KLHL32: variants seen among roughly 807,000 people sequenced by gnomAD.
The protein encoded by KLHL32 is kelch-like protein 32.
A neutral mutation model predicts 64.8 loss-of-function variants in KLHL32; 35 were observed. The observed-to-expected ratio is 0.54, with a 90% CI of 0.41 to 0.72. The LOEUF (loss-of-function observed/expected upper bound fraction) is 0.72. KLHL32 is among the 30% of genes least tolerant of loss of function. The pLI is 0.00. For missense variants in KLHL32, 589 were observed against 768.5 expected, an observed-to-expected ratio of 0.77 and a Z score of 2.76; for synonymous variants, 259 against 281.0, an observed-to-expected ratio of 0.92 and a Z score of 0.78.
intron 7 of KLHL32, among the ~76,000 whole-genome samples, chr6:97,124,553 C>A (rs1304890610): frequency 1.3e-5 from 2 of 152,064 alleles, no homozygotes; most frequent in African/African-American, 4.8e-5. Context: ...CTATAATGGG[C>A]AGAGTCTGAT....
Position 97,075,849 on chromosome 6 carries a change from G to A in KLHL32, c.412-9277G>A, listed in dbSNP as rs372561338. On this transcript the variant is annotated intron_variant, in intron 5 of 10. Coordinates refer to ENST00000369261, the MANE Select transcript of KLHL32 (RefSeq NM_052904.4). ...GCTCAGCAGTGGAATTTCTAAAGCC[G>A]TATACACTTTTTTGTCTTAATTATG... Among the ~76,000 whole-genome samples, 23 of 152,274 alleles carry A rather than the reference G, an allele frequency of 1.5e-4. No individual in the cohort carries two copies. The East Asian group carries it at 2.9e-3, about 19-fold the overall frequency.
chr6:97,006,941 C>T (rs570516390), intron 3 of KLHL32, among the ~76,000 whole-genome samples: 1 of 152,026 alleles, frequency 6.6e-6, no homozygotes, highest in Non-Finnish European at 1.5e-5. Flanking sequence ...TCATATCTAC[C>T]TTATGGAATC....
At chr6:97,034,835 A>T (rs1464504550) in intron 3 of KLHL32, among the ~76,000 whole-genome samples, 2 of 151,918 alleles carry the variant, frequency 1.3e-5, no homozygotes, top group Non-Finnish European at 2.9e-5. Context: ...AGATTTTTGT[A>T]TGTTAATTTT....
chr6:97,085,313 C>T lies in KLHL32; in HGVS notation c.599C>T (p.Thr200Ile), dbSNP rs768411951. 1.9e-6 allele frequency: 3 copies of T among 1,612,760 alleles called. No individual in the cohort carries two copies. The South Asian group carries it at 3.3e-5, about 18-fold the overall frequency. The change falls in exon 6 of 11, where the codon ACC (threonine) becomes ATC (isoleucine). Residue 200 changes from threonine to isoleucine, a missense_variant. By Grantham distance (89) the Thr-to-Ile change is moderately conservative (BLOSUM62 -1). Around this residue, in one of 3 missense-constraint regions of KLHL32, gnomAD observed 226 missense variants for 353.2 expected, o/e 0.64. Transcript: ENST00000369261. ...GAGGTGCTGAAGAGCGACCGCCTGACCTCCCTGAGTGAAGAGCAGATCTGG... is the reference window on the plus strand; with the variant it reads ...GAGGTGCTGAAGAGCGACCGCCTGATCTCCCTGAGTGAAGAGCAGATCTGG... ...LQEVLKSDRLTSLSEEQIWQL... is the reference protein window; with the variant it reads ...LQEVLKSDRLISLSEEQIWQL...
chr6:97,114,640 C>A, intron 7 of KLHL32, 131 bp downstream of exon 7: 3 of 1,079,530 alleles, frequency 2.8e-6, no homozygotes, highest in South Asian at 1.4e-5. Context: ...AGCTAATTAA[C>A]ATTCATTTAT....
At chr6:96,954,583 T>C (rs1414109961) in intron 1 of KLHL32, among the ~76,000 whole-genome samples, 1 of 152,178 alleles carries the variant, frequency 6.6e-6, no homozygotes, top group South Asian at 2.1e-4. Flanking sequence ...TATATAAACC[T>C]AGCTGCTGGC....
chr6:97,004,177 G>T (rs767674002), intron 3 of KLHL32, among the ~76,000 whole-genome samples: 1 of 151,916 alleles, frequency 6.6e-6, no homozygotes, highest in African/African-American at 2.4e-5. Flanking sequence ...TGTAAATCTT[G>T]TAGAGATCTT....
chr6:97,062,774 A>G (rs778260030), intron 4 of KLHL32, among the ~76,000 whole-genome samples: 2 of 152,250 alleles, frequency 1.3e-5, no homozygotes, highest in Non-Finnish European at 2.9e-5. Context: ...GCAGAGAAAA[A>G]TTAGCAAATA....
intron 1 of KLHL32, among the ~76,000 whole-genome samples, chr6:96,935,142 T>A (rs1770429628): frequency 6.6e-6 from 1 of 152,188 alleles, no homozygotes; most frequent in South Asian, 2.1e-4. Flanking sequence ...GTTGCTTAAT[T>A]GTAATTTTAA....
intron 1 of KLHL32, among the ~76,000 whole-genome samples, chr6:96,932,151 A>T (rs1332462249): frequency 6.6e-6 from 1 of 151,076 alleles, no homozygotes; most frequent in African/African-American, 2.4e-5. Context: ...CTGCATAAAG[A>T]TTCACTAGTC....
chr6:97,076,381 A>C (rs1791591571), intron 5 of KLHL32, among the ~76,000 whole-genome samples: 2 of 152,226 alleles, frequency 1.3e-5, no homozygotes. Flanking sequence ...AGCATCTACT[A>C]TGTAGAAGGT....
intron 1 of KLHL32, among the ~76,000 whole-genome samples, chr6:96,966,117 A>C (rs1774430938): frequency 6.6e-6 from 1 of 152,188 alleles, no homozygotes; most frequent in South Asian, 2.1e-4. Context: ...TTTCATAAGC[A>C]CTTTCCTCCT....
chr6:96,999,777 A>G (rs1778815301), intron 3 of KLHL32, among the ~76,000 whole-genome samples: 1 of 152,198 alleles, frequency 6.6e-6, no homozygotes, highest in South Asian at 2.1e-4. Context: ...CTTCTTTATT[A>G]TGGTTCTTAA....
At chr6:97,094,757 G>C (rs766534691) in intron 6 of KLHL32, among the ~76,000 whole-genome samples, 3 of 152,180 alleles carry the variant, frequency 2.0e-5, no homozygotes, top group Non-Finnish European at 4.4e-5. Flanking sequence ...AGAGTTACAA[G>C]TCAGTATTGG....
intron 6 of KLHL32, among the ~76,000 whole-genome samples, chr6:97,103,416 T>C (rs1306894360): frequency 6.6e-6 from 1 of 152,152 alleles, no homozygotes; most frequent in African/African-American, 2.4e-5. Flanking sequence ...GGTTTCACCA[T>C]GTTAGCCAGG....
At chr6:96,968,299 T>A (rs1357390472) in intron 2 of KLHL32, among the ~76,000 whole-genome samples, 2 of 152,032 alleles carry the variant, frequency 1.3e-5, no homozygotes, top group Non-Finnish European at 2.9e-5. Context: ...TGGCATCTAC[T>A]GGGTAGAGGC....
Position 97,082,475 on chromosome 6 carries a change from T to C in KLHL32, c.412-2651T>C, listed in dbSNP as rs543340678. On this transcript the variant is annotated intron_variant, in intron 5 of 10. Coordinates refer to ENST00000369261, the MANE Select transcript of KLHL32 (RefSeq NM_052904.4). ...AAAAATACAGAAAATTAGCCGGGCA[T>C]GGTGGCGGGCGCCTGTAGTCCCAGC... 4.6e-3 allele frequency among the ~76,000 whole-genome samples: 699 copies of C among 152,054 alleles called. 5 individuals carry two copies. Among genetic ancestry groups the C allele is most frequent in the Non-Finnish European group, 8.1e-3 (548 of 67,974 alleles).
At chr6:96,917,889 G>A in the KLHL32 span, among the ~76,000 whole-genome samples, 7 of 152,198 alleles carry the variant, frequency 4.6e-5, no homozygotes, top group African/African-American at 9.7e-5. Context: ...AGGTCTATGC[G>A]TAGAAAAGAG....
chr6:96,924,218 A>C (rs1768867152), upstream of KLHL32, among the ~76,000 whole-genome samples: 1 of 152,210 alleles, frequency 6.6e-6, no homozygotes, highest in South Asian at 2.1e-4. Flanking sequence ...ACAAGTTAGC[A>C]GAGCAAGGAC....
Sources: allele counts gnomAD v4.1 joint callset (sites outside exome capture counted in the v4.1 genomes callset), GRCh38; gene constraint gnomAD v4.1.1; regional missense constraint gnomAD v4.1.1; transcripts MANE v1.5; gene names NCBI Gene and HGNC (gene_info 2026-07-23, HGNC 2026-07-21).